Variants in IL12RB1 observed in about 807,000 individuals in gnomAD.
IL12RB1 encodes interleukin-12 receptor subunit beta-1.
In IL12RB1, 64 loss-of-function variants were observed where a neutral mutation model predicts 94.4. That is an observed-to-expected ratio of 0.68 (90% CI 0.55 to 0.83). The LOEUF is 0.83. Among genes scored for constraint, IL12RB1 ranks in the 40% least tolerant of loss-of-function variants. IL12RB1 has a pLI of 0.00. For synonymous variants in IL12RB1, 362 were observed against 355.5 expected, an observed-to-expected ratio of 1.02 and a Z score of -0.21; for missense variants, 814 against 855.6, an observed-to-expected ratio of 0.95 and a Z score of 0.61.
intron 13 of IL12RB1, among the ~76,000 whole-genome samples, chr19:18,063,555 A>G (rs888828466): frequency 4.6e-5 from 7 of 152,176 alleles, no homozygotes; most frequent in African/African-American, 1.7e-4. Flanking sequence ...AAACAAGGGC[A>G]TGGCCAGAAG....
At chr19:18,069,799 CCCT>C in intron 9 of IL12RB1, 86 bp from the exon 10 acceptor site, 1 of 996,948 alleles carries the variant, frequency 1.0e-6, no homozygotes, top group Middle Eastern at 2.1e-4. Context: ...CTCTCTCCCA[CCCT>C]CTCGTCTATA....
intron 11 of IL12RB1, among the ~76,000 whole-genome samples, chr19:18,067,388 C>A (rs753011021): frequency 1.3e-4 from 19 of 151,390 alleles, no homozygotes; most frequent in Non-Finnish European, 2.4e-4. Flanking sequence ...GCCCAGCCTC[C>A]CACTGTCCAG....
intron 15 of IL12RB1, 126 bp from the exon 16 acceptor site, chr19:18,060,211 G>C: frequency 1.6e-6 from 1 of 618,588 alleles, no homozygotes; most frequent in Non-Finnish European, 2.9e-6. Flanking sequence ...GGGTGCAGTG[G>C]CTCACACCTG....
At chr19:18,081,970 CT>C (rs1203513830) in intron 3 of IL12RB1, among the ~76,000 whole-genome samples, 179 bp downstream of exon 3, 1 of 152,074 alleles carries the variant, frequency 6.6e-6, no homozygotes, top group African/African-American at 2.4e-5. Context: ...GGATGCCTAC[CT>C]TCACTGACCA....
chr19:18,077,849 C>T (rs1169918453), intron 4 of IL12RB1, among the ~76,000 whole-genome samples, 194 bp from the exon 5 acceptor site: 1 of 152,182 alleles, frequency 6.6e-6, no homozygotes. Context: ...TACGGTGGCT[C>T]ACCCTGTAAT....
At chr19:18,061,059 C>T in intron 15 of IL12RB1, 63 bp downstream of exon 15, 4 of 867,616 alleles carry the variant, frequency 4.6e-6, no homozygotes, top group African/African-American at 1.7e-5. Flanking sequence ...TGAGCTAATG[C>T]GTAACCCTTG....
intron 13 of IL12RB1, among the ~76,000 whole-genome samples, chr19:18,062,577 A>G (rs2034221459): frequency 6.6e-6 from 1 of 152,168 alleles, no homozygotes; most frequent in South Asian, 2.1e-4. Flanking sequence ...GTTCGAGACC[A>G]GCCTGACCAA....
chr19:18,059,484 G>T lies in IL12RB1; in HGVS notation c.*124C>A. 1.4e-6 allele frequency: 1 copy of T among 722,430 alleles called. No homozygotes were observed. The highest frequency in any genetic ancestry group is 1.5e-5 in the South Asian group (1 of 68,276). The allele number at this position is 722,430 out of a possible 1,614,324, so 44.8% of individuals were successfully genotyped here. A position where few individuals can be genotyped will look rare whatever the true frequency, so the allele number is the denominator to read the frequency against. ...CCGCAGGATGGGTGGCAACAGGCAC[G>T]GGGCAGAGAGGAGGCAGGTGCACTG... On this transcript the variant is annotated 3_prime_UTR_variant, in exon 17 of 17. Transcript: ENST00000593993.
chr19:18,070,111 G>A (rs1319939194), intron 9 of IL12RB1, among the ~76,000 whole-genome samples: 3 of 151,984 alleles, frequency 2.0e-5, no homozygotes, highest in Non-Finnish European at 4.4e-5. Flanking sequence ...GTGGAGATGG[G>A]GTTTCACCGT....
chr19:18,089,624 C>CAAA (rs751947388), upstream of IL12RB1, among the ~76,000 whole-genome samples: 133 of 113,484 alleles, frequency 1.2e-3, 2 homozygotes, highest in African/African-American at 2.6e-3. Context: ...GACTATGTCT[C>CAAA]AAAAAAAAAA....
chr19:18,098,149 C>T (rs1392443958), intron 1 of IL12RB1, among the ~76,000 whole-genome samples: 1 of 152,116 alleles, frequency 6.6e-6, no homozygotes, highest in East Asian at 1.9e-4. Flanking sequence ...AGAGAGCTCA[C>T]CATATGTTCA....
At chr19:18,086,985 G>A (rs572687715), upstream of IL12RB1, 4 of 1,471,058 alleles carry the variant, frequency 2.7e-6, no homozygotes, top group Middle Eastern at 5.2e-4. Context: ...CATCCCTAAG[G>A]CAAGTCAAAG....
Position 18,086,853 on chromosome 19 carries a change from G to A in IL12RB1, c.-30C>T. ...TCCACGTAGAGCCCCACAGCCCCAGGGGAGCCTCTCTGCCACCTGCGAGGT... is the reference window on the plus strand; with the variant it reads ...TCCACGTAGAGCCCCACAGCCCCAGAGGAGCCTCTCTGCCACCTGCGAGGT... On this transcript the variant is annotated 5_prime_UTR_variant, in exon 1 of 17. Transcript: ENST00000593993. 6.2e-7 allele frequency: 1 copy of A among 1,600,110 alleles called. No individual in the cohort carries two copies. The highest frequency in any genetic ancestry group is 1.1e-5 in the South Asian group (1 of 89,092).
Position 18,093,352 on chromosome 19 carries a change from G to C in IL12RB1, c.-229-2583C>G, listed in dbSNP as rs61223445. ...CACAAATATATATATATATATACTT[G>C]TGTGTGTGCGTGTGTGTGTGTGTGT... On this transcript the variant is annotated intron_variant, in intron 1 of 4. Transcript: ENST00000594176. Among the ~76,000 whole-genome samples the C allele has an allele frequency of 2.2e-3, 261 of 119,336 alleles. 3 individuals are homozygous for C. Among genetic ancestry groups the C allele is most frequent in the African/African-American group, 8.7e-3 (243 of 28,034 alleles). 78.3% of individuals were successfully genotyped at this position (119,336 alleles called of 152,430 possible). A position where few individuals can be genotyped will look rare whatever the true frequency, so the allele number is the denominator to read the frequency against.
At chr19:18,064,347 G>A (rs2034412319) in intron 12 of IL12RB1, among the ~76,000 whole-genome samples, 1 of 151,498 alleles carries the variant, frequency 6.6e-6, no homozygotes, top group Admixed American at 6.6e-5. Flanking sequence ...CACTGTGTTA[G>A]CCAGGATGGT....
In IL12RB1 at chr19:18,077,673, G is replaced by A; in HGVS notation, c.410-18C>T. 6.5e-7 allele frequency: 1 copy of A among 1,544,062 alleles called. No homozygotes were observed. The highest frequency in any genetic ancestry group is 2.2e-5 in the East Asian group (1 of 44,570). On this transcript the variant is annotated intron_variant, in intron 4 of 16. Coordinates refer to ENST00000593993, the MANE Select transcript of IL12RB1 (RefSeq NM_005535.3). The stretch of plus-strand genomic sequence containing the variant: ...ATATTTAACTGGAAGCAGAGGTAGG[G>A]ATTGGCGAGGGGCAGCCCACACGTA...
At chr19:18,073,112 C>A (rs1272996385) in intron 8 of IL12RB1, among the ~76,000 whole-genome samples, 2 of 152,112 alleles carry the variant, frequency 1.3e-5, no homozygotes, top group Non-Finnish European at 2.9e-5. Flanking sequence ...TTTGTCTCAA[C>A]AGAGATACTC....
chr19:18,094,716 T>A (rs1219366662), intron 1 of IL12RB1, among the ~76,000 whole-genome samples: 3 of 152,050 alleles, frequency 2.0e-5, no homozygotes, highest in Non-Finnish European at 4.4e-5. Context: ...ATACAAAAAA[T>A]TAGCTGGGCA....
chr19:18,061,217 A>T lies in IL12RB1; in HGVS notation c.1716-20T>A. On this transcript the variant is annotated intron_variant, in intron 14 of 16. Coordinates refer to ENST00000593993, the MANE Select transcript of IL12RB1 (RefSeq NM_005535.3). Reference sequence around the variant, plus strand: ...GCGGCCCTGGGGAGGAAAGGGGACCAGTGAGAGGAGCTGAGGTTTTTTTTT... The same window carrying T: ...GCGGCCCTGGGGAGGAAAGGGGACCTGTGAGAGGAGCTGAGGTTTTTTTTT... 8.2e-6 allele frequency: 11 copies of T among 1,343,154 alleles called. No homozygotes were observed. Among genetic ancestry groups the T allele is most frequent in the Non-Finnish European group, 1.0e-5 (10 of 973,008 alleles). The allele number at this position is 1,343,154 out of a possible 1,614,324, so 83.2% of individuals were successfully genotyped here.
Sources: allele counts gnomAD v4.1 joint callset (sites outside exome capture counted in the v4.1 genomes callset), GRCh38; gene constraint gnomAD v4.1.1; transcripts MANE v1.5; gene names NCBI Gene and HGNC (gene_info 2026-07-23, HGNC 2026-07-21).